The following ITCH variants were observed in gnomAD, a reference collection of about 807,000 sequenced individuals.
ITCH encodes the protein itchy E3 ubiquitin protein ligase.
A neutral mutation model predicts 126.8 loss-of-function variants in ITCH; 28 were observed. The observed-to-expected ratio is 0.22, with a 90% CI of 0.16 to 0.30. ITCH has a LOEUF of 0.30. Ranked by LOEUF, ITCH falls within the 10% of genes least tolerant of loss-of-function variation. The pLI is 1.00. For synonymous variants in ITCH, 342 were observed against 340.0 expected (o/e 1.01, Z -0.06); for missense variants, 631 against 1,032.4 (o/e 0.61, Z 5.33).
At chr20:34,419,489 T>G (rs1467542755) in intron 6 of ITCH, among the ~76,000 whole-genome samples, 1 of 152,058 alleles carries the variant, frequency 6.6e-6, no homozygotes, top group Non-Finnish European at 1.5e-5. Flanking sequence ...TGTTGCCTTT[T>G]TTTTTTTTTT....
In ITCH at chr20:34,440,288, T is replaced by C. The variant is rs1448697012; in HGVS notation, c.813T>C (p.Ser271=). The change falls in exon 9 of 25, where the codon TCT becomes TCC. Residue 271 remains serine (S), a synonymous_variant. Transcript: ENST00000374864. ...TSGLIIPLTI[S]GGSGPRPLNP... ...GATTAATAATTCCTCTTACTATATC[T>C]GGAGGCTCAGGCCCTAGGCCATTAA... 5.0e-6 allele frequency: 8 copies of C among 1,614,056 alleles called. No homozygotes were observed. Among genetic ancestry groups the C allele is most frequent in the Non-Finnish European group, 6.8e-6 (8 of 1,180,008 alleles).
intron 2 of ITCH, 81 bp downstream of exon 2, chr20:34,369,551 G>C (rs1012899359): frequency 2.5e-6 from 1 of 394,432 alleles, no homozygotes; most frequent in Admixed American, 4.4e-5. Flanking sequence ...GCTGTGAGGA[G>C]AGAGCAGTGT....
intron 9 of ITCH, among the ~76,000 whole-genome samples, chr20:34,441,137 TG>T (rs1983696968): frequency 6.6e-6 from 1 of 151,938 alleles, no homozygotes; most frequent in Admixed American, 6.6e-5. Flanking sequence ...CTGGGTGTGG[TG>T]GCAGGCGCCT....
intron 3 of ITCH, among the ~76,000 whole-genome samples, chr20:34,405,743 GCT>G (rs2039036833): frequency 1.3e-5 from 2 of 151,876 alleles, no homozygotes; most frequent in Admixed American, 6.6e-5. Context: ...ATTAAATTTG[GCT>G]CTATATTAAG....
At position 34,425,056 on chromosome 20, in the gene ITCH, G is replaced by A. The variant is rs536743142; in HGVS notation, c.521+531G>A. Among the ~76,000 whole-genome samples the A allele has an allele frequency of 2.9e-4, 44 of 152,316 alleles. 1 individual carries two copies. In the South Asian group the frequency reaches 7.5e-3, roughly 26 times the overall value. ...CTGTGTCTATGTAGAAAAGGAAGAC[G>A]TAAGAAACTCCATTTTGATCTGTAC... On this transcript the variant is annotated intron_variant, in intron 7 of 24. Transcript: ENST00000374864.
chr20:34,396,854 A>C (rs188675327), intron 3 of ITCH, among the ~76,000 whole-genome samples: 1 of 152,122 alleles, frequency 6.6e-6, no homozygotes, highest in East Asian at 1.9e-4. Flanking sequence ...TTCTTCCTCT[A>C]ATCATTTCAT....
intron 3 of ITCH, among the ~76,000 whole-genome samples, chr20:34,394,336 A>C (rs1159730680): frequency 6.6e-6 from 1 of 152,056 alleles, no homozygotes; most frequent in African/African-American, 2.4e-5. Flanking sequence ...TTTATTGTAG[A>C]ATATTCTTGG....
chr20:34,444,589 A>G (rs78237968), intron 10 of ITCH, among the ~76,000 whole-genome samples: 15 of 149,188 alleles, frequency 1.0e-4, no homozygotes, highest in African/African-American at 3.7e-4. Flanking sequence ...CTCTGTCTCC[A>G]AAAAAAAAAG....
intron 20 of ITCH, among the ~76,000 whole-genome samples, chr20:34,484,508 A>C (rs983825253): frequency 1.3e-5 from 2 of 152,062 alleles, no homozygotes; most frequent in Admixed American, 6.6e-5. Context: ...ATATGTCTAG[A>C]TTTTCTTATG....
At chr20:34,481,763 A>G (rs1266670022) in intron 20 of ITCH, among the ~76,000 whole-genome samples, 1 of 152,184 alleles carries the variant, frequency 6.6e-6, no homozygotes, top group Non-Finnish European at 1.5e-5. Context: ...CTGTAATCCT[A>G]GCACTTTGGA....
intron 1 of ITCH, among the ~76,000 whole-genome samples, chr20:34,364,568 A>G (rs1486975011): frequency 6.6e-6 from 1 of 151,974 alleles, no homozygotes; most frequent in Non-Finnish European, 1.5e-5. Context: ...TATTTAAGCT[A>G]CGATTTATTT....
intron 6 of ITCH, among the ~76,000 whole-genome samples, chr20:34,417,888 A>G (rs1449212824): frequency 1.3e-5 from 2 of 151,556 alleles, no homozygotes; most frequent in African/African-American, 4.8e-5. Context: ...GACCTCTAAC[A>G]AGAAACACAG....
Position 34,492,540 on chromosome 20 carries a change from C to T in ITCH, c.2359C>T (p.Leu787=). Reference sequence around the variant, plus strand: ...TGATAATGAGAAGAGAATGAGACTTCTGCAGTTTGTTACTGGAACCTGCCG... The same window carrying T: ...TGATAATGAGAAGAGAATGAGACTTTTGCAGTTTGTTACTGGAACCTGCCG... ...EIDNEKRMRL[L]QFVTGTCRLP... The change falls in exon 23 of 25, where the codon CTG becomes TTG. Residue 787 remains leucine, a synonymous_variant. Transcript: ENST00000374864. 1 of 1,613,096 alleles carries T rather than the reference C, an allele frequency of 6.2e-7. No individual in the cohort carries two copies. Among genetic ancestry groups the T allele is most frequent in the South Asian group, 1.1e-5 (1 of 91,068 alleles).
chr20:34,452,496 G>T (rs551680559), intron 12 of ITCH, among the ~76,000 whole-genome samples: 9 of 152,180 alleles, frequency 5.9e-5, no homozygotes, highest in Middle Eastern at 3.4e-3. Context: ...CTGCCTTTGG[G>T]GCATATACCT....
At chr20:34,425,505 C>T (rs1981389931) in intron 7 of ITCH, among the ~76,000 whole-genome samples, 1 of 152,130 alleles carries the variant, frequency 6.6e-6, no homozygotes, top group Non-Finnish European at 1.5e-5. Context: ...CCTGCTCGTC[C>T]CTGGGAATGG....
At chr20:34,455,768 G>A (rs1004758108) in intron 12 of ITCH, among the ~76,000 whole-genome samples, 16 of 151,820 alleles carry the variant, frequency 1.1e-4, no homozygotes, top group African/African-American at 3.9e-4. Context: ...ATGAGCTACT[G>A]CGCCCGGCCA....
chr20:34,464,515 C>T (rs1006138804), intron 14 of ITCH, among the ~76,000 whole-genome samples: 1 of 151,790 alleles, frequency 6.6e-6, no homozygotes, highest in Non-Finnish European at 1.5e-5. Flanking sequence ...TAGTAGAAGA[C>T]AGGGTTTCTC....
intron 4 of ITCH, among the ~76,000 whole-genome samples, chr20:34,410,918 A>C (rs1423899748): frequency 1.3e-5 from 2 of 152,200 alleles, no homozygotes; most frequent in East Asian, 3.9e-4. Flanking sequence ...TCTTGATTAC[A>C]AACATTTGGG....
intron 20 of ITCH, among the ~76,000 whole-genome samples, chr20:34,484,143 C>A (rs945843134): frequency 1.3e-5 from 2 of 152,132 alleles, no homozygotes; most frequent in African/African-American, 4.8e-5. Context: ...GACACAGAGC[C>A]AAACTATATC....
Sources: allele counts gnomAD v4.1 joint callset (sites outside exome capture counted in the v4.1 genomes callset), GRCh38; gene constraint gnomAD v4.1.1; transcripts MANE v1.5; gene names NCBI Gene and HGNC (gene_info 2026-07-23, HGNC 2026-07-21).